Variants in CLCN4 observed in about 807,000 individuals in gnomAD.
The protein encoded by CLCN4 is H(+)/Cl(-) exchange transporter 4.
CLCN4 carries 1 observed loss-of-function variant against 41.7 expected under a neutral mutation model. The observed-to-expected ratio is 0.02, with a 90% confidence interval of 0.01 to 0.11. The LOEUF is 0.11. Ranked by LOEUF, CLCN4 falls within the 10% of genes least tolerant of loss-of-function variation. The pLI is 1.00. For missense variants in CLCN4, 287 were observed against 661.0 expected (o/e 0.43, Z 6.20); for synonymous variants, 277 against 285.8 (o/e 0.97, Z 0.31).
intron 2 of CLCN4, among the ~76,000 whole-genome samples, chrX:10,159,173 G>T (rs1923032628): frequency 1.8e-5 from 2 of 111,409 alleles, no homozygotes; most frequent in South Asian, 7.5e-4. Flanking sequence ...GATTAAAAAA[G>T]AACGGTATCC....
At chrX:10,160,169 C>G (rs182456761) in intron 2 of CLCN4, among the ~76,000 whole-genome samples, 1 of 110,559 alleles carries the variant, frequency 9.0e-6, no homozygotes, top group Non-Finnish European at 1.9e-5. Flanking sequence ...GCTCCCTTGC[C>G]CCCTGTTGAG....
At chrX:10,193,219 A>C (rs1398337696) in intron 4 of CLCN4, among the ~76,000 whole-genome samples, 3 of 111,581 alleles carry the variant, frequency 2.7e-5, no homozygotes, top group Admixed American at 1.9e-4. Flanking sequence ...AATCCAATAG[A>C]GTGTGCTATT....
chrX:10,209,095 GAA>G (rs1924469767), intron 9 of CLCN4, among the ~76,000 whole-genome samples: 1 of 111,671 alleles, frequency 9.0e-6, no homozygotes, highest in Non-Finnish European at 1.9e-5. Context: ...AGCTCTGGGA[GAA>G]AGAGATGCAG....
chrX:10,212,374 C>G (rs1924579025), intron 9 of CLCN4, 93 bp from the exon 10 acceptor site: 1 of 903,894 alleles, frequency 1.1e-6, no homozygotes, highest in Non-Finnish European at 1.6e-6. Context: ...AAGCTAAATG[C>G]AAGCCCGTCG....
At position 10,220,737 on chromosome X, in the gene CLCN4, G is replaced by A. The variant is rs777620754; in HGVS notation, c.2052G>A (p.Pro684=). The part of the protein sequence containing the change: ...MYFTEEPPEL[P]ANSPHPLKLR... ...TCACGGAGGAACCCCCCGAGCTGCC[G>A]GCCAACAGCCCACATCCCCTGAAGC... The change falls in exon 12 of 13, where the codon CCG becomes CCA. Residue 684 remains proline (P), a synonymous_variant. Coordinates refer to ENST00000380833, the MANE Select transcript of CLCN4 (RefSeq NM_001830.4). The A allele has an allele frequency of 1.2e-5, 14 of 1,209,711 alleles. No individual in the cohort carries two copies. Among genetic ancestry groups the A allele is most frequent in the South Asian group, 3.5e-5 (2 of 56,799 alleles).
rs1925250861 is a variant in CLCN4, at chrX:10,236,336, T to G, written c.*2752T>G. 8.9e-6 allele frequency: 1 copy of G among 112,054 alleles called. No individual in the cohort carries two copies. Among genetic ancestry groups the G allele is most frequent in the South Asian group, 3.7e-4 (1 of 2,680 alleles). The allele number at this position is 112,054 out of a possible 1,213,427, so 9.2% of individuals were successfully genotyped here. A position where few individuals can be genotyped will look rare whatever the true frequency, so the allele number is the denominator to read the frequency against. The stretch of plus-strand genomic sequence containing the variant: ...ATGGCAAACAGTTGGAAGAGTTACT[T>G]GACTGAAACAACCCAATCTTACTTT... On this transcript the variant is annotated 3_prime_UTR_variant, in exon 13 of 13. Transcript: ENST00000380833.
In CLCN4 at chrX:10,237,195, ATTACT is replaced by A. The variant is rs1437504733; in HGVS notation, c.*3615_*3619del. Reference sequence around the variant, plus strand: ...GTTTGTTTCACTTAGGTGAGAACTGATTACTTTAAATTACCAACATGTGCAAATTC... The same window carrying A: ...GTTTGTTTCACTTAGGTGAGAACTGATTAAATTACCAACATGTGCAAATTC... On this transcript the variant is annotated 3_prime_UTR_variant, in exon 13 of 13. Coordinates refer to ENST00000380833, the MANE Select transcript of CLCN4 (RefSeq NM_001830.4). 1 of 112,578 alleles carries A rather than the reference ATTACT, an allele frequency of 8.9e-6. No homozygotes were observed. Among genetic ancestry groups the A allele is most frequent in the East Asian group, 2.8e-4 (1 of 3,606 alleles). The allele number at this position is 112,578 out of a possible 1,213,427, so 9.3% of individuals were successfully genotyped here. A position where few individuals can be genotyped will look rare whatever the true frequency, so the allele number is the denominator to read the frequency against.
At chrX:10,173,333 C>T (rs1923429643) in intron 2 of CLCN4, among the ~76,000 whole-genome samples, 1 of 111,586 alleles carries the variant, frequency 9.0e-6, no homozygotes, top group South Asian at 3.8e-4. Flanking sequence ...TCACCCGAGG[C>T]CGCACATTGG....
chrX:10,180,841 G>GA (rs1346846402), intron 2 of CLCN4, among the ~76,000 whole-genome samples: 2 of 107,372 alleles, frequency 1.9e-5, no homozygotes, highest in Non-Finnish European at 3.8e-5. Flanking sequence ...GTCACATGCT[G>GA]AAGAGACCAC....
At chrX:10,175,869 T>TCTCC (rs1162806811) in intron 2 of CLCN4, among the ~76,000 whole-genome samples, 1 of 108,382 alleles carries the variant, frequency 9.2e-6, no homozygotes, top group Non-Finnish European at 1.9e-5. Context: ...TCTCTCTCTC[T>TCTCC]CTCCCACCCT....
At chrX:10,217,570 G>T (rs1315458188) in intron 11 of CLCN4, among the ~76,000 whole-genome samples, 2 of 111,744 alleles carry the variant, frequency 1.8e-5, no homozygotes, top group Admixed American at 1.9e-4. Flanking sequence ...ATAGCCTAAT[G>T]AATATGTGAT....
intron 1 of CLCN4, among the ~76,000 whole-genome samples, chrX:10,157,861 A>G (rs1922990511): frequency 8.9e-6 from 1 of 112,942 alleles, no homozygotes; most frequent in African/African-American, 3.2e-5. Context: ...TTAAATCATC[A>G]CATATTTAAG....
chrX:10,222,371 G>T (rs1924882208), intron 12 of CLCN4, among the ~76,000 whole-genome samples: 2 of 111,650 alleles, frequency 1.8e-5, no homozygotes, highest in Non-Finnish European at 3.8e-5. Flanking sequence ...GGGAGTAGGA[G>T]GCGGGGAATG....
chrX:10,198,094 A>G (rs1434504236), intron 6 of CLCN4, 33 bp downstream of exon 6: 1 of 1,193,449 alleles, frequency 8.4e-7, no homozygotes, highest in South Asian at 1.8e-5. Context: ...GGTACCAATA[A>G]TAAGAATAGC....
intron 3 of CLCN4, among the ~76,000 whole-genome samples, chrX:10,186,274 G>A (rs972210344): frequency 3.6e-5 from 4 of 111,377 alleles, no homozygotes; most frequent in Non-Finnish European, 7.5e-5. Context: ...AGGTCCCTGT[G>A]TGCAAGTGGA....
intron 2 of CLCN4, among the ~76,000 whole-genome samples, chrX:10,161,315 C>A (rs1242301990): frequency 9.0e-6 from 1 of 111,489 alleles, no homozygotes; most frequent in Non-Finnish European, 1.9e-5. Context: ...ACGCCACTGT[C>A]CTCACAGGCT....
chrX:10,187,452 C>A, intron 3 of CLCN4, 63 bp from the exon 4 acceptor site: 4 of 859,485 alleles, frequency 4.7e-6, no homozygotes, highest in Non-Finnish European at 6.9e-6. Context: ...GAAACAGTTT[C>A]AAGGAAAAAA....
chrX:10,231,516 A>C lies in CLCN4; in HGVS notation c.2193-1978A>C, dbSNP rs181048253. Among the ~76,000 whole-genome samples the C allele has an allele frequency of 4.7e-3, 515 of 110,642 alleles. 7 individuals carry two copies. The highest frequency in any genetic ancestry group is 0.016 in the African/African-American group (496 of 30,350). ...CTTGTTGTTGTTTTTTTAATGAGAG[A>C]TTTTTAAACATAATTCCAAATTTTA... On this transcript the variant is annotated intron_variant, in intron 12 of 12. Coordinates refer to ENST00000380833, the MANE Select transcript of CLCN4 (RefSeq NM_001830.4).
At chrX:10,178,001 T>A (rs1290814101) in intron 2 of CLCN4, among the ~76,000 whole-genome samples, 1 of 112,161 alleles carries the variant, frequency 8.9e-6, no homozygotes, top group Non-Finnish European at 1.9e-5. Context: ...CTTGAAAGCA[T>A]TATGCTAGGT....
Sources: gnomAD v4.1 joint callset for allele counts (sites outside exome capture counted in the v4.1 genomes callset) on GRCh38, gnomAD v4.1.1 for gene constraint, MANE v1.5 for transcripts, NCBI Gene and HGNC (gene_info 2026-07-23, HGNC 2026-07-21) for gene names.